The following CPNE8 variants were observed in gnomAD, a reference collection of about 807,000 sequenced individuals.
CPNE8 encodes the protein copine-8.
In CPNE8, 45 loss-of-function variants were observed where a neutral mutation model predicts 81.5. The ratio of observed to expected loss-of-function variants is 0.55; its 90% confidence interval spans 0.44 to 0.71. CPNE8 has a LOEUF of 0.71. Among genes scored for constraint, CPNE8 ranks in the 30% least tolerant of loss-of-function variants. CPNE8 has a pLI of 0.00. For synonymous variants in CPNE8, 252 were observed against 226.3 expected (o/e 1.11, Z -1.02); for missense variants, 594 against 672.1 (o/e 0.88, Z 1.28).
chr12:38,773,683 G>A (rs1324702329), intron 7 of CPNE8, among the ~76,000 whole-genome samples: 1 of 152,068 alleles, frequency 6.6e-6, no homozygotes, highest in East Asian at 1.9e-4. Context: ...TGTTGTAGGT[G>A]AATTAAAATG....
chr12:38,688,655 T>C (rs1939598419), intron 15 of CPNE8, among the ~76,000 whole-genome samples: 1 of 151,726 alleles, frequency 6.6e-6, no homozygotes, highest in Admixed American at 6.6e-5. Context: ...TAAAAAGGAA[T>C]GGAATAATGG....
intron 7 of CPNE8, among the ~76,000 whole-genome samples, chr12:38,768,689 T>A (rs987447456): frequency 1.3e-4 from 19 of 148,768 alleles, no homozygotes; most frequent in Non-Finnish European, 2.2e-4. Context: ...CCGGCTAATT[T>A]TTTTGTATTT....
At chr12:38,689,514 A>G (rs753158213) in intron 15 of CPNE8, among the ~76,000 whole-genome samples, 12 of 152,268 alleles carry the variant, frequency 7.9e-5, no homozygotes, top group Non-Finnish European at 1.2e-4. Flanking sequence ...AAAAGCTGAG[A>G]GAATTCTTCC....
At position 38,653,317 on chromosome 12, in the gene CPNE8, G is replaced by T. The variant is rs1413613580; in HGVS notation, c.*565C>A. On this transcript the variant is annotated 3_prime_UTR_variant, in exon 20 of 20. Transcript: ENST00000331366. Reference sequence around the variant, plus strand: ...AGTTTCTTAAGACAATCCAGTTACTGAAAAATAGAAAAGCATTTTTCCCTT... The same window carrying T: ...AGTTTCTTAAGACAATCCAGTTACTTAAAAATAGAAAAGCATTTTTCCCTT... 6.6e-6 allele frequency: 1 copy of T among 152,536 alleles called. No individual in the cohort carries two copies. Among genetic ancestry groups the T allele is most frequent in the Non-Finnish European group, 1.5e-5 (1 of 68,014 alleles). 9.4% of individuals were successfully genotyped at this position (152,536 alleles called of 1,614,324 possible). A position where few individuals can be genotyped will look rare whatever the true frequency, so the allele number is the denominator to read the frequency against.
chr12:38,660,802 A>T (rs948795436), intron 19 of CPNE8, among the ~76,000 whole-genome samples: 16 of 152,224 alleles, frequency 1.1e-4, no homozygotes, highest in Admixed American at 6.5e-5. Context: ...TGGGCAAAGG[A>T]TATGAACAGA....
At chr12:38,752,043 G>A (rs1941362521) in intron 10 of CPNE8, among the ~76,000 whole-genome samples, 1 of 152,006 alleles carries the variant, frequency 6.6e-6, no homozygotes, top group Non-Finnish European at 1.5e-5. Context: ...AGTTTAGCCT[G>A]GTAACAAATA....
chr12:38,713,368 A>G (rs1194481185), intron 13 of CPNE8, among the ~76,000 whole-genome samples: 1 of 152,152 alleles, frequency 6.6e-6, no homozygotes, highest in East Asian at 1.9e-4. Context: ...CCTTCCTCCA[A>G]GTAACTACAA....
intron 7 of CPNE8, 76 bp downstream of exon 7, chr12:38,776,162 A>C (rs1158094047): frequency 1.5e-6 from 1 of 674,848 alleles, no homozygotes; most frequent in Admixed American, 2.8e-5. Context: ...CTTAAAAATT[A>C]ATTAGTTAAG....
At chr12:38,717,956 A>T (rs1227300122) in intron 13 of CPNE8, among the ~76,000 whole-genome samples, 1 of 152,140 alleles carries the variant, frequency 6.6e-6, no homozygotes, top group Admixed American at 6.5e-5. Flanking sequence ...ACTGTGATTC[A>T]TTATAAAAAC....
In CPNE8 at chr12:38,776,099, C is replaced by A. The variant is rs921864356; in HGVS notation, c.471+139G>T. ...TCTCTCTGGTCATAGGGCTAAGTAC[C>A]TAAAATGATATTTTATGGGTTATAA... On this transcript the variant is annotated intron_variant, in intron 7 of 19. Transcript: ENST00000331366. 1.6e-5 allele frequency: 6 copies of A among 371,786 alleles called. No individual in the cohort carries two copies. In the South Asian group the frequency reaches 4.7e-4, roughly 29 times the overall value. 23.0% of individuals were successfully genotyped at this position (371,786 alleles called of 1,614,324 possible). A position where few individuals can be genotyped will look rare whatever the true frequency, so the allele number is the denominator to read the frequency against.
intron 10 of CPNE8, among the ~76,000 whole-genome samples, chr12:38,754,771 T>C (rs985295810): frequency 1.3e-5 from 2 of 152,032 alleles, no homozygotes; most frequent in African/African-American, 4.8e-5. Context: ...TGTCAATGAA[T>C]CACATATAGA....
At chr12:38,760,627 T>G (rs1182580173) in intron 10 of CPNE8, among the ~76,000 whole-genome samples, 1 of 151,990 alleles carries the variant, frequency 6.6e-6, no homozygotes. Context: ...AAGTTGAAAA[T>G]CTTTACTAAG....
chr12:38,725,501 T>C lies in CPNE8; in HGVS notation c.799-602A>G, dbSNP rs903167393. On this transcript the variant is annotated intron_variant, in intron 11 of 19. Transcript: ENST00000331366. ...GGGATATAGGGAATATTAAGATAAA[T>C]AAGACCTGCCGATCTAATGGGATAA... Among the ~76,000 whole-genome samples, 5 of 152,020 alleles carry C rather than the reference T, an allele frequency of 3.3e-5. No individual in the cohort carries two copies. In the South Asian group the frequency reaches 6.2e-4, roughly 19 times the overall value.
At chr12:38,890,837 T>G (rs1464157792) in intron 1 of CPNE8, among the ~76,000 whole-genome samples, 1 of 151,324 alleles carries the variant, frequency 6.6e-6, no homozygotes, top group Non-Finnish European at 1.5e-5. Context: ...GTCTCCTTTT[T>G]TTGGGTAGTA....
intron 13 of CPNE8, among the ~76,000 whole-genome samples, chr12:38,704,804 C>T (rs1202645958): frequency 1.1e-5 from 1 of 92,916 alleles, no homozygotes; most frequent in African/African-American, 4.0e-5. Flanking sequence ...AAGCTGAGGA[C>T]CATCTGTGTG....
intron 19 of CPNE8, among the ~76,000 whole-genome samples, chr12:38,657,600 C>A (rs756363195): frequency 6.6e-6 from 1 of 152,126 alleles, no homozygotes; most frequent in Admixed American, 6.5e-5. Context: ...CCCCGTATAG[C>A]GTAACTGGGA....
intron 6 of CPNE8, among the ~76,000 whole-genome samples, chr12:38,784,156 A>G (rs1942118271): frequency 6.6e-6 from 1 of 152,238 alleles, no homozygotes; most frequent in Non-Finnish European, 1.5e-5. Flanking sequence ...AAATAAATGT[A>G]ACAAAAAATT....
intron 7 of CPNE8, among the ~76,000 whole-genome samples, chr12:38,775,428 G>C (rs1304309488): frequency 6.6e-6 from 1 of 152,182 alleles, no homozygotes; most frequent in Non-Finnish European, 1.5e-5. Flanking sequence ...TTTGGGGTGA[G>C]TTTCTGTTCC....
At chr12:38,799,401 A>C (rs186579139) in intron 6 of CPNE8, among the ~76,000 whole-genome samples, 4 of 152,294 alleles carry the variant, frequency 2.6e-5, no homozygotes, top group Non-Finnish European at 4.4e-5. Flanking sequence ...CTCACTCTAA[A>C]CTGCTCAACT....
Sources: gnomAD v4.1 joint callset for allele counts (sites outside exome capture counted in the v4.1 genomes callset) on GRCh38, gnomAD v4.1.1 for gene constraint, MANE v1.5 for transcripts, NCBI Gene and HGNC (gene_info 2026-07-23, HGNC 2026-07-21) for gene names.